GNAL: variants seen among roughly 807,000 people sequenced by gnomAD.
The protein encoded by GNAL is G protein subunit alpha L, also known as guanine nucleotide-binding protein G(olf) subunit alpha.
In GNAL, 18 loss-of-function variants were observed where a neutral mutation model predicts 55.1. The ratio of observed to expected loss-of-function variants is 0.33; its 90% CI spans 0.23 to 0.48. GNAL has a LOEUF of 0.48. GNAL is among the 20% of genes least tolerant of loss of function. GNAL has a pLI of 0.99. For missense variants in GNAL, 412 were observed against 614.1 expected (o/e 0.67, Z 3.48); for synonymous variants, 253 against 237.0 (o/e 1.07, Z -0.62).
chr18:11,817,986 A>G (rs1180115861), intron 4 of GNAL, among the ~76,000 whole-genome samples: 4 of 151,074 alleles, frequency 2.6e-5, no homozygotes, highest in African/African-American at 9.7e-5. Context: ...CTGTAATCCC[A>G]GCACTTTGGG....
At chr18:11,732,167 A>G (rs1279092181) in intron 1 of GNAL, among the ~76,000 whole-genome samples, 1 of 152,188 alleles carries the variant, frequency 6.6e-6, no homozygotes, top group Non-Finnish European at 1.5e-5. Flanking sequence ...GTCTAAATAT[A>G]TGCTTATTTC....
chr18:11,824,060 T>A (rs1018751533), intron 4 of GNAL, among the ~76,000 whole-genome samples: 1 of 152,128 alleles, frequency 6.6e-6, no homozygotes, highest in Non-Finnish European at 1.5e-5. Flanking sequence ...TAGTTTTTTT[T>A]AAACGAAAAA....
At chr18:11,727,717 T>G (rs144561828) in intron 1 of GNAL, among the ~76,000 whole-genome samples, 12 of 152,332 alleles carry the variant, frequency 7.9e-5, no homozygotes, top group African/African-American at 2.9e-4. Flanking sequence ...GAGGAGGAGT[T>G]TTTTTGACTC....
chr18:11,866,483 G>A (rs1156754736), intron 7 of GNAL, among the ~76,000 whole-genome samples: 2 of 150,490 alleles, frequency 1.3e-5, no homozygotes, highest in Non-Finnish European at 2.9e-5. Flanking sequence ...CGCCTTATGC[G>A]CTGAGCAGGG....
chr18:11,739,552 A>G (rs1458200552), intron 1 of GNAL, among the ~76,000 whole-genome samples: 1 of 152,044 alleles, frequency 6.6e-6, no homozygotes, highest in Non-Finnish European at 1.5e-5. Flanking sequence ...TGTGTTCTCC[A>G]GCATTTTCCC....
intron 1 of GNAL, among the ~76,000 whole-genome samples, chr18:11,744,990 G>A (rs2032657900): frequency 6.6e-6 from 1 of 152,218 alleles, no homozygotes; most frequent in Non-Finnish European, 1.5e-5. Flanking sequence ...GGGACTACAG[G>A]TGTGAGCCAC....
rs1238511627 is a variant in GNAL at position 11,882,054 on chromosome 18, T to C, written c.*919T>C. ...GTAGAATTTAGGATATTTTATCAGGTTGGCACTTTATAAAATACTCCCTGA... is the reference window on the plus strand; with the variant it reads ...GTAGAATTTAGGATATTTTATCAGGCTGGCACTTTATAAAATACTCCCTGA... On this transcript the variant is annotated 3_prime_UTR_variant, in exon 12 of 12. Coordinates refer to ENST00000334049, the MANE Select transcript of GNAL (RefSeq NM_182978.4). 2.0e-5 allele frequency: 3 copies of C among 152,318 alleles called. No homozygotes were observed. The highest frequency in any genetic ancestry group is 2.4e-5 in the African/African-American group (1 of 41,450). 9.4% of individuals were successfully genotyped at this position (152,318 alleles called of 1,614,324 possible).
intron 4 of GNAL, among the ~76,000 whole-genome samples, chr18:11,813,254 T>TAAAAA (rs60626923): frequency 2.2e-5 from 3 of 138,434 alleles, no homozygotes; most frequent in Admixed American, 7.2e-5. Context: ...GACTCCATCT[T>TAAAAA]AAAAAAAAGA....
intron 4 of GNAL, among the ~76,000 whole-genome samples, chr18:11,809,990 T>C (rs2034767417): frequency 6.6e-6 from 1 of 152,204 alleles, no homozygotes; most frequent in Non-Finnish European, 1.5e-5. Context: ...ATGTGGAAAT[T>C]GTAATCCCCT....
intron 1 of GNAL, among the ~76,000 whole-genome samples, chr18:11,719,887 G>T (rs576324587): frequency 1.3e-5 from 2 of 152,394 alleles, no homozygotes; most frequent in South Asian, 4.1e-4. Context: ...AGCAGCATGT[G>T]TGTGTGCCAG....
chr18:11,754,988 G>A (rs527452840), intron 4 of GNAL, among the ~76,000 whole-genome samples: 2 of 125,334 alleles, frequency 1.6e-5, no homozygotes, highest in South Asian at 6.0e-4. Context: ...TGCACCAGAA[G>A]TGAGTGTGTA....
intron 6 of GNAL, among the ~76,000 whole-genome samples, chr18:11,864,086 C>CTTTT (rs3981355): frequency 8.5e-5 from 11 of 129,050 alleles, no homozygotes; most frequent in Middle Eastern, 4.1e-3. Flanking sequence ...CGTCTGAGTT[C>CTTTT]TTTTTTTTTT....
rs759232588 is a variant in GNAL, at chr18:11,871,253, C to CT, written c.1032-1000dup. On this transcript the variant is annotated intron_variant, in intron 9 of 11. Coordinates refer to ENST00000334049, the MANE Select transcript of GNAL (RefSeq NM_182978.4). Reference sequence around the variant, plus strand: ...GGATTGTGTGTGTGGGTTTTTCTTTCTTTTTTTTTTTTTTTGAGACAGAGT... The same window carrying CT: ...GGATTGTGTGTGTGGGTTTTTCTTTCTTTTTTTTTTTTTTTTGAGACAGAGT... Among the ~76,000 whole-genome samples the CT allele has an allele frequency of 7.7e-3, 1,069 of 138,600 alleles. 10 individuals carry two copies. The highest frequency in any genetic ancestry group is 0.024 in the African/African-American group (901 of 38,194). The allele number at this position is 138,600 out of a possible 152,430, so 90.9% of individuals were successfully genotyped here. A position where few individuals can be genotyped will look rare whatever the true frequency, so the allele number is the denominator to read the frequency against.
At chr18:11,809,109 T>C (rs2034741300) in intron 4 of GNAL, among the ~76,000 whole-genome samples, 6 of 151,964 alleles carry the variant, frequency 3.9e-5, no homozygotes, top group Admixed American at 3.9e-4. Context: ...AAAACAAAAA[T>C]TAGCTAGGTG....
At chr18:11,737,794 C>G (rs1014389996) in intron 1 of GNAL, among the ~76,000 whole-genome samples, 3 of 152,206 alleles carry the variant, frequency 2.0e-5, no homozygotes, top group African/African-American at 7.2e-5. Context: ...GGTGAGAAAT[C>G]TGGCAGAAAA....
chr18:11,867,278 C>A, intron 8 of GNAL, 52 bp downstream of exon 8: 1 of 1,043,294 alleles, frequency 9.6e-7, no homozygotes, highest in Non-Finnish European at 1.5e-6. Flanking sequence ...TAACACTCAG[C>A]ACTGCTGTGC....
chr18:11,802,678 T>C (rs939011519), intron 4 of GNAL, among the ~76,000 whole-genome samples: 1 of 152,240 alleles, frequency 6.6e-6, no homozygotes. Flanking sequence ...AAGCTTCTTA[T>C]GAAGCTGAGT....
rs769856826 is a variant in GNAL, at chr18:11,753,690, C to CT, written c.504+14dup. The CT allele has an allele frequency of 1.9e-6, 3 of 1,581,428 alleles. No individual in the cohort carries two copies. The highest frequency in any genetic ancestry group is 2.7e-5 in the African/African-American group (2 of 74,414). ...GTTAAAGATGCTATCGTGGTAAGGA[C>CT]TTTTTTAAATGATTGTTTACTAGAA... On this transcript the variant is annotated intron_variant, in intron 3 of 11. Transcript: ENST00000334049.
intron 4 of GNAL, among the ~76,000 whole-genome samples, chr18:11,824,686 T>TC (rs2035193279): frequency 3.8e-3 from 22 of 5,768 alleles, no homozygotes; most frequent in Non-Finnish European, 9.3e-3. Context: ...AGACTGTGTC[T>TC]CAAAAAAAAA....
Sources: gnomAD v4.1 joint callset for allele counts (sites outside exome capture counted in the v4.1 genomes callset) on GRCh38, gnomAD v4.1.1 for gene constraint, MANE v1.5 for transcripts, NCBI Gene and HGNC (gene_info 2026-07-23, HGNC 2026-07-21) for gene names.